PLEKHA5: variants seen among roughly 807,000 people sequenced by gnomAD.
PLEKHA5 encodes pleckstrin homology domain containing A5.
In PLEKHA5, 55 loss-of-function variants were observed where a neutral mutation model predicts 181.9. That is an observed-to-expected ratio of 0.30 (90% CI 0.24 to 0.38). The LOEUF (loss-of-function observed/expected upper bound fraction) is 0.38. PLEKHA5 is among the 10% of genes least tolerant of loss of function. The probability of loss-of-function intolerance (pLI) is 1.00; values close to 1 mark genes in which losing one functional copy is unlikely to be tolerated. For missense variants in PLEKHA5, 1,432 were observed against 1,549.5 expected (o/e 0.92, Z 1.27); for synonymous variants, 535 against 529.4 (o/e 1.01, Z -0.15).
At chr12:19,317,805 C>T (rs1037656879) in intron 16 of PLEKHA5, among the ~76,000 whole-genome samples, 2 of 151,852 alleles carry the variant, frequency 1.3e-5, no homozygotes, top group African/African-American at 4.8e-5. Context: ...ATATAACACA[C>T]TCCTCAACCT....
chr12:19,359,969 CAAAA>C (rs565963117), intron 28 of PLEKHA5, among the ~76,000 whole-genome samples: 2 of 133,548 alleles, frequency 1.5e-5, no homozygotes, highest in African/African-American at 2.8e-5. Context: ...GACTCCATCT[CAAAA>C]AAAAAAAGAA....
At chr12:19,247,132 G>T (rs995099713) in intron 3 of PLEKHA5, among the ~76,000 whole-genome samples, 4 of 152,162 alleles carry the variant, frequency 2.6e-5, no homozygotes, top group Non-Finnish European at 5.9e-5. Flanking sequence ...TCGACTCTAC[G>T]AAAAGTATCT....
chr12:19,197,875 T>A (rs964511357), intron 3 of PLEKHA5, among the ~76,000 whole-genome samples: 1 of 150,002 alleles, frequency 6.7e-6, no homozygotes, highest in Non-Finnish European at 1.5e-5. Flanking sequence ...GAAAACAACT[T>A]TGCTGCCTTG....
intron 3 of PLEKHA5, among the ~76,000 whole-genome samples, chr12:19,203,313 TCC>T (rs2054620368): frequency 6.6e-6 from 1 of 152,098 alleles, no homozygotes; most frequent in Admixed American, 6.6e-5. Context: ...CCCTCACTCT[TCC>T]ATTATCCAGG....
chr12:19,210,064 G>A (rs2056601131), intron 3 of PLEKHA5, among the ~76,000 whole-genome samples: 1 of 152,076 alleles, frequency 6.6e-6, no homozygotes, highest in African/African-American at 2.4e-5. Flanking sequence ...ATGTCCATTT[G>A]TATTCAGTTA....
At chr12:19,350,332 CAGAA>C (rs2094531777) in intron 25 of PLEKHA5, among the ~76,000 whole-genome samples, 1 of 152,070 alleles carries the variant, frequency 6.6e-6, no homozygotes, top group Admixed American at 6.6e-5. Context: ...AAGGATTCGC[CAGAA>C]AGAATGTGTA....
At chr12:19,354,143 C>CTTTTTTTTTTTTTCTTT (rs2094772106) in intron 26 of PLEKHA5, 141 bp downstream of exon 26, 1 of 73,892 alleles carries the variant, frequency 1.4e-5, no homozygotes, top group Non-Finnish European at 2.3e-5. Flanking sequence ...ATTCTTTATT[C>CTTTTTTTTTTTTTCTTT]TTTTTTTTTT....
At position 19,227,535 on chromosome 12, in the gene PLEKHA5, G is replaced by A. The variant is rs576042963; in HGVS notation, c.228-26405G>A. Reference sequence around the variant, plus strand: ...TTTTCCTGCTTTACTGTCCTAGAATGTGAGTGATTTTCTCAAGATTAATTC... The same window carrying A: ...TTTTCCTGCTTTACTGTCCTAGAATATGAGTGATTTTCTCAAGATTAATTC... On this transcript the variant is annotated intron_variant, in intron 3 of 31. Transcript: ENST00000429027. Among the ~76,000 whole-genome samples the A allele has an allele frequency of 1.8e-4, 28 of 152,232 alleles. No homozygotes were observed. The South Asian group carries it at 5.4e-3, about 29-fold the overall frequency.
chr12:19,211,053 A>G (rs1174089364), intron 3 of PLEKHA5, among the ~76,000 whole-genome samples: 1 of 152,164 alleles, frequency 6.6e-6, no homozygotes, highest in South Asian at 2.1e-4. Context: ...TCTAGGGTTT[A>G]TGGAGGACTA....
At chr12:19,257,570 CAGAATT>C in intron 6 of PLEKHA5, 33 bp downstream of exon 6, 2 of 1,091,666 alleles carry the variant, frequency 1.8e-6, no homozygotes, top group Non-Finnish European at 2.8e-6. Context: ...AAACAAAAGA[CAGAATT>C]AGAAGGAACC....
intron 3 of PLEKHA5, among the ~76,000 whole-genome samples, chr12:19,169,881 T>G (rs146601396): frequency 3.3e-4 from 50 of 152,364 alleles, no homozygotes; most frequent in South Asian, 1.4e-3. Context: ...CTCCACTGTT[T>G]TTTTGTAAAC....
At position 19,270,176 on chromosome 12, in the gene PLEKHA5, T is replaced by C; in HGVS notation, c.828-12T>C. On this transcript the variant is annotated splice_polypyrimidine_tract_variant and intron_variant, in intron 9 of 31. Coordinates refer to ENST00000429027, the MANE Select transcript of PLEKHA5 (RefSeq NM_001256470.2). Reference sequence around the variant, plus strand: ...TCCTAACATTCAAACTGAATGTTCTTTCTTCTTACAGAATTACCTTTAATT... The same window carrying C: ...TCCTAACATTCAAACTGAATGTTCTCTCTTCTTACAGAATTACCTTTAATT... 1 of 1,442,774 alleles carries C rather than the reference T, an allele frequency of 6.9e-7. No individual in the cohort carries two copies. Among genetic ancestry groups the C allele is most frequent in the South Asian group, 1.4e-5 (1 of 73,594 alleles). 89.4% of individuals were successfully genotyped at this position (1,442,774 alleles called of 1,614,324 possible). A position where few individuals can be genotyped will look rare whatever the true frequency, so the allele number is the denominator to read the frequency against.
At chr12:19,259,577 C>G (rs1014769552) in intron 6 of PLEKHA5, among the ~76,000 whole-genome samples, 1 of 151,846 alleles carries the variant, frequency 6.6e-6, no homozygotes, top group African/African-American at 2.4e-5. Flanking sequence ...ATGGAGAAAC[C>G]CTGTCTCTAC....
At chr12:19,360,653 G>T (rs1411466946) in intron 28 of PLEKHA5, among the ~76,000 whole-genome samples, 1 of 151,880 alleles carries the variant, frequency 6.6e-6, no homozygotes, top group Non-Finnish European at 1.5e-5. Context: ...AAAAAAAAAT[G>T]CATTAACTGA....
chr12:19,325,162 CAGG>C (rs1479547214), intron 20 of PLEKHA5, among the ~76,000 whole-genome samples: 3 of 152,080 alleles, frequency 2.0e-5, no homozygotes, highest in Non-Finnish European at 4.4e-5. Context: ...AAGGCTGAGG[CAGG>C]AGGATTGCTT....
chr12:19,302,203 T>G (rs2081679230), intron 15 of PLEKHA5, among the ~76,000 whole-genome samples: 1 of 152,178 alleles, frequency 6.6e-6, no homozygotes, highest in South Asian at 2.1e-4. Flanking sequence ...AAAAGTCCCT[T>G]TTTCTCTTAA....
chr12:19,147,497 C>T (rs975458729), intron 3 of PLEKHA5, among the ~76,000 whole-genome samples: 22 of 151,810 alleles, frequency 1.4e-4, no homozygotes, highest in African/African-American at 5.3e-4. Context: ...ATACTAAAGG[C>T]AGTATGTGGT....
At chr12:19,306,397 A>G (rs922004338) in intron 15 of PLEKHA5, 3 of 526,576 alleles carry the variant, frequency 5.7e-6, no homozygotes, top group Non-Finnish European at 1.1e-5. Flanking sequence ...CGCGGCGTGC[A>G]GTGGGGTAGA....
intron 3 of PLEKHA5, among the ~76,000 whole-genome samples, chr12:19,221,055 G>A (rs1200905693): frequency 6.6e-6 from 1 of 152,166 alleles, no homozygotes; most frequent in Non-Finnish European, 1.5e-5. Flanking sequence ...ATTCATTGTG[G>A]TTGGAATGCA....
Sources: allele counts gnomAD v4.1 joint callset (sites outside exome capture counted in the v4.1 genomes callset), GRCh38; gene constraint gnomAD v4.1.1; transcripts MANE v1.5; gene names NCBI Gene and HGNC (gene_info 2026-07-23, HGNC 2026-07-21).